The following WIPI2 variants were observed in gnomAD, a reference collection of about 807,000 sequenced individuals.
The protein encoded by WIPI2 is WD repeat domain, phosphoinositide interacting 2, also known as WD repeat domain phosphoinositide-interacting protein 2.
In WIPI2, 28 loss-of-function variants were observed where a neutral mutation model predicts 52.3. That is an observed-to-expected ratio of 0.54 (90% CI 0.40 to 0.73). WIPI2 has a LOEUF of 0.73. Ranked by LOEUF, WIPI2 falls within the 30% of genes least tolerant of loss-of-function variation. WIPI2 has a pLI of 0.00. For synonymous variants in WIPI2, 268 were observed against 245.0 expected, an observed-to-expected ratio of 1.09 and a Z score of -0.88; for missense variants, 506 against 602.9, an observed-to-expected ratio of 0.84 and a Z score of 1.68.
chr7:5,222,792 G>A (rs560671797), intron 8 of WIPI2, 120 bp downstream of exon 8: 43 of 994,068 alleles, frequency 4.3e-5, no homozygotes, highest in South Asian at 4.0e-4. Flanking sequence ...TTTCTAGCCC[G>A]GCTGGGTCAC....
intron 11 of WIPI2, 143 bp downstream of exon 11, chr7:5,228,354 C>T (rs1194727556): frequency 7.8e-6 from 6 of 769,242 alleles, no homozygotes; most frequent in African/African-American, 3.6e-5. Context: ...CCGCGCAGGT[C>T]GGGAGCTTCG....
chr7:5,194,878 A>G (rs906425564), intron 2 of WIPI2, among the ~76,000 whole-genome samples: 2 of 152,196 alleles, frequency 1.3e-5, no homozygotes, highest in African/African-American at 4.8e-5. Context: ...TCAAATTGCT[A>G]GTGAAGAAAG....
At position 5,212,680 on chromosome 7, in the gene WIPI2, G is replaced by C. The variant is rs769008576; in HGVS notation, c.212-1855G>C. ...ACACAGGCATGCACCACCACGCCCA[G>C]CTAATTTTTGTATTTTTTGTAGAGA... On this transcript the variant is annotated intron_variant, in intron 3 of 12. Transcript: ENST00000288828. Among the ~76,000 whole-genome samples, 72 of 152,294 alleles carry C rather than the reference G, an allele frequency of 4.7e-4. No homozygotes were observed. In the Middle Eastern group the frequency reaches 0.01, roughly 22 times the overall value.
chr7:5,199,480 A>G (rs564742887), intron 2 of WIPI2, 96 bp from the exon 3 acceptor site: 4 of 1,008,172 alleles, frequency 4.0e-6, no homozygotes, highest in Admixed American at 4.2e-5. Flanking sequence ...CACGCGGGGA[A>G]CTTGCTGGGA....
rs571032819 is a variant in WIPI2, at chr7:5,232,444, G to A, written c.*1497G>A. The A allele has an allele frequency of 4.5e-5, 18 of 397,684 alleles. No individual in the cohort carries two copies. The highest frequency in any genetic ancestry group is 1.4e-4 in the African/African-American group (7 of 48,760). The allele number at this position is 397,684 out of a possible 1,614,324, so 24.6% of individuals were successfully genotyped here. On this transcript the variant is annotated 3_prime_UTR_variant, in exon 13 of 13. Transcript: ENST00000288828. ...GGCTTCCTCCCAGCCGCTGGTGTGC[G>A]GCACACACAACATCTGCATTAGGCA...
In WIPI2 at chr7:5,231,950, T is replaced by C. The variant is rs777253656; in HGVS notation, c.*1003T>C. On this transcript the variant is annotated 3_prime_UTR_variant, in exon 13 of 13. Transcript: ENST00000288828. Reference sequence around the variant, plus strand: ...CGTCCTTCACAGGGCGTCATGTGCCTTTCTATTTTCATCTTAGAAAATTTC... The same window carrying C: ...CGTCCTTCACAGGGCGTCATGTGCCCTTCTATTTTCATCTTAGAAAATTTC... The C allele has an allele frequency of 1.3e-5, 5 of 371,362 alleles. No homozygotes were observed. The highest frequency in any genetic ancestry group is 1.9e-5 in the Non-Finnish European group (4 of 208,836). The allele number at this position is 371,362 out of a possible 1,614,324, so 23.0% of individuals were successfully genotyped here.
chr7:5,224,866 G>A (rs773826057), intron 8 of WIPI2, among the ~76,000 whole-genome samples: 15 of 152,166 alleles, frequency 9.9e-5, no homozygotes, highest in South Asian at 6.2e-4. Context: ...CTCGTTCACC[G>A]TCTCAGTCAT....
chr7:5,201,585 A>G (rs997804499), intron 3 of WIPI2, among the ~76,000 whole-genome samples: 1 of 152,220 alleles, frequency 6.6e-6, no homozygotes, highest in Non-Finnish European at 1.5e-5. Flanking sequence ...CTCTACTAAA[A>G]ATACAAAAAA....
intron 8 of WIPI2, chr7:5,222,962 G>A (rs1783220016): frequency 1.0e-5 from 4 of 401,302 alleles, no homozygotes; most frequent in East Asian, 5.7e-5. Context: ...CCAGCCTGCT[G>A]TAAGGGACGG....
chr7:5,210,177 G>A (rs1389647975), intron 3 of WIPI2, among the ~76,000 whole-genome samples: 1 of 152,206 alleles, frequency 6.6e-6, no homozygotes, highest in African/African-American at 2.4e-5. Flanking sequence ...CCAAAGTGAT[G>A]GGACTCCAGG....
rs529579078 is a variant in WIPI2 at position 5,199,682 on chromosome 7, C to G, written c.211+24C>G. On this transcript the variant is annotated intron_variant, in intron 3 of 12. Transcript: ENST00000288828. ...CAGTAAGTGTTTGCTTTATTTTTCC[C>G]CTTCTTAAAAAAAAAAAAAAAAGTT... The G allele has an allele frequency of 3.2e-6, 5 of 1,556,026 alleles. No individual in the cohort carries two copies. The African/African-American group carries it at 7.0e-5, about 22-fold the overall frequency.
In WIPI2 at chr7:5,228,129, G is replaced by A; in HGVS notation, c.1039G>A (p.Val347Met). The A allele has an allele frequency of 6.2e-7, 1 of 1,614,010 alleles. No individual in the cohort carries two copies. The highest frequency in any genetic ancestry group is 8.5e-7 in the Non-Finnish European group (1 of 1,180,016). ...ATIQKIPRLL[V>M]GAADGYLYMY... ...AATTCAGAAGATCCCGCGGTTGTTG[G>A]TGGGTGCCGCCGACGGGTACCTGTA... Residue 347 changes from valine to methionine, a missense_variant, in exon 11 of 13, where the codon GTG (valine) becomes ATG (methionine). Around this residue, in one of 4 missense-constraint regions of WIPI2, gnomAD observed 194 missense variants for 175.1 expected, o/e 1.11. Transcript: ENST00000288828.
chr7:5,194,137 G>A (rs1053952462), intron 2 of WIPI2, among the ~76,000 whole-genome samples: 7 of 152,016 alleles, frequency 4.6e-5, no homozygotes, highest in African/African-American at 1.4e-4. Flanking sequence ...TGAAAAAGCC[G>A]AGAAGGAGAG....
intron 6 of WIPI2, chr7:5,217,549 G>C (rs554529835): frequency 1.3e-5 from 5 of 393,250 alleles, no homozygotes; most frequent in Non-Finnish European, 9.6e-6. Flanking sequence ...CTCCCGCCTC[G>C]GCCCCCTAAA....
At chr7:5,221,066 C>T (rs185623821) in intron 7 of WIPI2, among the ~76,000 whole-genome samples, 8 of 150,118 alleles carry the variant, frequency 5.3e-5, no homozygotes, top group African/African-American at 9.8e-5. Flanking sequence ...TGGGTTCAAG[C>T]GATTCTCCTG....
chr7:5,203,606 A>G (rs1376141491), intron 3 of WIPI2, among the ~76,000 whole-genome samples: 3 of 148,010 alleles, frequency 2.0e-5, no homozygotes, highest in African/African-American at 7.5e-5. Flanking sequence ...GATGGAAGTC[A>G]CTAAAGTTTA....
intron 8 of WIPI2, among the ~76,000 whole-genome samples, chr7:5,224,529 C>G (rs531230446): frequency 7.9e-4 from 121 of 152,302 alleles, no homozygotes; most frequent in Non-Finnish European, 1.5e-3. Flanking sequence ...TACTACTACT[C>G]AAATCAGTCT....
At chr7:5,229,485 A>C (rs1783613960) in intron 11 of WIPI2, 123 bp from the exon 12 acceptor site, 1 of 1,221,508 alleles carries the variant, frequency 8.2e-7, no homozygotes, top group African/African-American at 1.5e-5. Flanking sequence ...CGGCGTGATG[A>C]ATGCCTGGCG....
At chr7:5,216,023 C>G (rs1782792547) in intron 4 of WIPI2, 1 of 153,310 alleles carries the variant, frequency 6.5e-6, no homozygotes, top group Non-Finnish European at 1.5e-5. Context: ...TAGCATTTGC[C>G]TAACACTAAA....
Sources: gnomAD v4.1 joint callset for allele counts (sites outside exome capture counted in the v4.1 genomes callset) on GRCh38, gnomAD v4.1.1 for gene constraint, gnomAD v4.1.1 regional missense constraint, MANE v1.5 for transcripts, NCBI Gene and HGNC (gene_info 2026-07-23, HGNC 2026-07-21) for gene names.